Variants in RGS7 observed in about 807,000 individuals in gnomAD.
The protein encoded by RGS7 is regulator of G-protein signaling 7.
In RGS7, 27 loss-of-function variants were observed where a neutral mutation model predicts 81.1. The observed-to-expected ratio is 0.33, with a 90% CI of 0.25 to 0.46. The LOEUF (loss-of-function observed/expected upper bound fraction) is 0.46, where lower values mean the gene tolerates loss of function less well. Among genes scored for constraint, RGS7 ranks in the 20% least tolerant of loss-of-function variants. The probability of loss-of-function intolerance (pLI) is 1.00; values close to 1 mark genes in which losing one functional copy is unlikely to be tolerated. For missense variants in RGS7, 396 were observed against 607.4 expected, an observed-to-expected ratio of 0.65 and a Z score of 3.66; for synonymous variants, 208 against 207.7, an observed-to-expected ratio of 1.00 and a Z score of -0.01.
intron 2 of RGS7, among the ~76,000 whole-genome samples, chr1:241,146,093 G>T (rs546790477): frequency 2.6e-4 from 39 of 152,226 alleles, no homozygotes; most frequent in African/African-American, 8.9e-4. Flanking sequence ...TGGCAGATGG[G>T]AAGGTGAAGG....
intron 4 of RGS7, among the ~76,000 whole-genome samples, chr1:240,973,017 C>G (rs538977278): frequency 6.6e-6 from 1 of 150,918 alleles, no homozygotes; most frequent in African/African-American, 2.4e-5. Flanking sequence ...CCACTGCACT[C>G]CAGCCTGGAC....
At chr1:241,347,730 T>G (rs564431345) in intron 2 of RGS7, among the ~76,000 whole-genome samples, 1 of 152,158 alleles carries the variant, frequency 6.6e-6, no homozygotes, top group Non-Finnish European at 1.5e-5. Flanking sequence ...AGACAACCTA[T>G]GTCATCTGAT....
intron 2 of RGS7, among the ~76,000 whole-genome samples, chr1:241,131,580 A>G (rs1424079165): frequency 6.6e-6 from 1 of 151,960 alleles, no homozygotes; most frequent in Non-Finnish European, 1.5e-5. Context: ...TTTTAGATAT[A>G]TGTCTGGGAG....
At chr1:241,137,909 G>A (rs944790089) in intron 2 of RGS7, among the ~76,000 whole-genome samples, 2 of 152,280 alleles carry the variant, frequency 1.3e-5, no homozygotes, top group South Asian at 2.1e-4. Context: ...CGTGGCTCAC[G>A]CCTGTAATCC....
At chr1:241,324,199 A>G (rs1169614010) in intron 2 of RGS7, among the ~76,000 whole-genome samples, 1 of 152,200 alleles carries the variant, frequency 6.6e-6, no homozygotes, top group East Asian at 1.9e-4. Context: ...AATTAGCTTT[A>G]AATTTAAACT....
chr1:241,000,608 T>C (rs2879917), intron 3 of RGS7, among the ~76,000 whole-genome samples: 59,221 of 151,846 alleles, frequency 0.39, 11,657 homozygotes, highest in Admixed American at 0.46. Context: ...CCACTAGCCA[T>C]ATGTAGCTAA....
rs902152144 is a variant in RGS7, at chr1:241,261,604, G to A, written c.78+94095C>T. The stretch of plus-strand genomic sequence containing the variant: ...AGATCGTGCCATTGCACTCCAGCCT[G>A]GGCGACAGGGTGAGACTCTGTCTCA... On this transcript the variant is annotated intron_variant, in intron 2 of 18. Coordinates refer to ENST00000440928, the MANE Select transcript of RGS7 (RefSeq NM_001364886.1). Among the ~76,000 whole-genome samples the A allele has an allele frequency of 2.7e-5, 4 of 148,802 alleles. No individual in the cohort carries two copies. In the East Asian group the frequency reaches 5.9e-4, roughly 22 times the overall value.
intron 2 of RGS7, among the ~76,000 whole-genome samples, chr1:241,156,015 T>A (rs2069099222): frequency 6.6e-6 from 1 of 151,860 alleles, no homozygotes; most frequent in African/African-American, 2.4e-5. Flanking sequence ...TACACACAAA[T>A]GATGTCAAGT....
chr1:240,824,345 G>A (rs1692377667), intron 10 of RGS7, among the ~76,000 whole-genome samples: 1 of 152,226 alleles, frequency 6.6e-6, no homozygotes, highest in Non-Finnish European at 1.5e-5. Context: ...CTTGCTACGA[G>A]CATTATCTGC....
intron 2 of RGS7, among the ~76,000 whole-genome samples, chr1:241,132,578 GCA>G (rs148713058): frequency 0.05 from 7,639 of 152,194 alleles, 581 homozygotes; most frequent in African/African-American, 0.17. Flanking sequence ...TGTCACAAGT[GCA>G]CAGGACAGCA....
chr1:241,038,785 TG>T (rs1163374084), intron 3 of RGS7, among the ~76,000 whole-genome samples: 1 of 152,058 alleles, frequency 6.6e-6, no homozygotes, highest in Non-Finnish European at 1.5e-5. Context: ...AAGACCAGCC[TG>T]GGCAATACAG....
chr1:241,213,295 T>A (rs142660715), intron 2 of RGS7, among the ~76,000 whole-genome samples: 1 of 152,186 alleles, frequency 6.6e-6, no homozygotes, highest in Non-Finnish European at 1.5e-5. Context: ...TTTATGTTCA[T>A]CACAAACAAA....
intron 4 of RGS7, among the ~76,000 whole-genome samples, chr1:240,940,548 G>C (rs1314519681): frequency 6.6e-6 from 1 of 152,176 alleles, no homozygotes; most frequent in Non-Finnish European, 1.5e-5. Context: ...GGCCTGGGAA[G>C]ATAGTGTTAG....
At chr1:241,328,610 C>A (rs1247091535) in intron 2 of RGS7, among the ~76,000 whole-genome samples, 1 of 152,188 alleles carries the variant, frequency 6.6e-6, no homozygotes, top group Non-Finnish European at 1.5e-5. Context: ...TAATTTTCAC[C>A]TTCCCATGAC....
intron 9 of RGS7, among the ~76,000 whole-genome samples, chr1:240,850,461 T>C (rs1448918791): frequency 6.6e-6 from 1 of 152,222 alleles, no homozygotes; most frequent in Non-Finnish European, 1.5e-5. Context: ...AAATATTGTG[T>C]GTGATCTGAC....
At chr1:241,050,911 G>T (rs1340377700) in intron 3 of RGS7, among the ~76,000 whole-genome samples, 2 of 152,090 alleles carry the variant, frequency 1.3e-5, no homozygotes, top group Admixed American at 1.3e-4. Flanking sequence ...TAAGGCTTCT[G>T]GTCAACAGTA....
chr1:240,977,139 CAT>C (rs1402265340), intron 4 of RGS7, among the ~76,000 whole-genome samples: 2 of 133,104 alleles, frequency 1.5e-5, no homozygotes, highest in East Asian at 2.7e-4. Flanking sequence ...CACACACACA[CAT>C]TGCTTTGTCC....
At chr1:241,239,985 C>T (rs778488575) in intron 2 of RGS7, among the ~76,000 whole-genome samples, 4 of 152,092 alleles carry the variant, frequency 2.6e-5, no homozygotes, top group African/African-American at 4.8e-5. Flanking sequence ...ATGGATTATA[C>T]GCAGGGACCC....
rs141079718 is a variant in RGS7, at chr1:240,834,113, C to G, written c.610-6941G>C. On this transcript the variant is annotated intron_variant, in intron 9 of 18. Coordinates refer to ENST00000440928, the MANE Select transcript of RGS7 (RefSeq NM_001364886.1). Reference sequence around the variant, plus strand: ...GGATTCTTTTTTTAAAGATCCAATTCAAGCTTTTCTTCATTTTCTTAGGCA... The same window carrying G: ...GGATTCTTTTTTTAAAGATCCAATTGAAGCTTTTCTTCATTTTCTTAGGCA... Among the ~76,000 whole-genome samples, 607 of 152,298 alleles carry G rather than the reference C, an allele frequency of 4.0e-3. 3 individuals are homozygous for G. Among genetic ancestry groups the G allele is most frequent in the Non-Finnish European group, 6.0e-3 (411 of 68,026 alleles).
Sources: gnomAD v4.1 joint callset for allele counts (sites outside exome capture counted in the v4.1 genomes callset) on GRCh38, gnomAD v4.1.1 for gene constraint, MANE v1.5 for transcripts, NCBI Gene and HGNC (gene_info 2026-07-23, HGNC 2026-07-21) for gene names.